Variants in BRINP3 observed in about 807,000 individuals in gnomAD.
The protein encoded by BRINP3 is BMP/retinoic acid inducible neural specific 3.
A neutral mutation model predicts 71.0 loss-of-function variants in BRINP3; 19 were observed. The observed-to-expected ratio is 0.27, with a 90% CI of 0.19 to 0.39. BRINP3 has a LOEUF of 0.39. Among genes scored for constraint, BRINP3 ranks in the 10% least tolerant of loss-of-function variants. BRINP3 has a pLI of 1.00. For synonymous variants in BRINP3, 380 were observed against 337.7 expected, an observed-to-expected ratio of 1.13 and a Z score of -1.37; for missense variants, 959 against 940.8, an observed-to-expected ratio of 1.02 and a Z score of -0.25.
At chr1:190,299,212 TC>T (rs1456712432) in intron 2 of BRINP3, among the ~76,000 whole-genome samples, 1 of 152,102 alleles carries the variant, frequency 6.6e-6, no homozygotes, top group Non-Finnish European at 1.5e-5. Flanking sequence ...TGTGTTTTTT[TC>T]ATAGACAGCT....
chr1:190,219,113 G>A (rs976602399), intron 6 of BRINP3, among the ~76,000 whole-genome samples: 4 of 151,946 alleles, frequency 2.6e-5, no homozygotes, highest in Non-Finnish European at 4.4e-5. Context: ...AAAGAATCAC[G>A]GAGCAAGCAT....
chr1:190,464,986 T>G (rs1571385211), intron 1 of BRINP3, among the ~76,000 whole-genome samples: 2 of 151,984 alleles, frequency 1.3e-5, no homozygotes, highest in African/African-American at 4.8e-5. Context: ...AATACAGTCT[T>G]GTCCTACCAA....
At chr1:190,316,098 C>G (rs1441546116) in intron 2 of BRINP3, among the ~76,000 whole-genome samples, 3 of 151,290 alleles carry the variant, frequency 2.0e-5, no homozygotes, top group African/African-American at 7.3e-5. Flanking sequence ...ACGTGGGGCC[C>G]AGAATGACTG....
At chr1:190,281,258 T>C (rs1663014075) in intron 3 of BRINP3, among the ~76,000 whole-genome samples, 1 of 151,958 alleles carries the variant, frequency 6.6e-6, no homozygotes, top group Non-Finnish European at 1.5e-5. Flanking sequence ...CTTCTTATTA[T>C]TCATGTATTT....
intron 7 of BRINP3, among the ~76,000 whole-genome samples, chr1:190,146,388 A>G (rs1655888922): frequency 6.6e-6 from 1 of 152,202 alleles, no homozygotes; most frequent in Non-Finnish European, 1.5e-5. Flanking sequence ...TGTTACACTC[A>G]TAAATCAAAT....
chr1:190,339,347 T>C (rs1395988821), intron 2 of BRINP3, among the ~76,000 whole-genome samples: 1 of 151,972 alleles, frequency 6.6e-6, no homozygotes, highest in Non-Finnish European at 1.5e-5. Flanking sequence ...TTTCCCTTTG[T>C]GGCTGGTAGA....
intron 7 of BRINP3, among the ~76,000 whole-genome samples, chr1:190,151,225 A>G (rs1268167442): frequency 1.3e-5 from 2 of 152,194 alleles, no homozygotes; most frequent in Admixed American, 6.6e-5. Context: ...TTATTCAAAA[A>G]CAAGTAAAAT....
chr1:190,355,407 A>T (rs1668665143), intron 2 of BRINP3, among the ~76,000 whole-genome samples: 1 of 151,920 alleles, frequency 6.6e-6, no homozygotes, highest in Non-Finnish European at 1.5e-5. Flanking sequence ...TATATAGATT[A>T]TATTTACAAG....
intron 3 of BRINP3, among the ~76,000 whole-genome samples, chr1:190,273,274 C>CA (rs1349984408): frequency 1.3e-5 from 2 of 151,396 alleles, no homozygotes; most frequent in Non-Finnish European, 3.0e-5. Flanking sequence ...TGATTGCGTT[C>CA]AAAAGTCATT....
rs1658478849 is a variant in BRINP3, at chr1:190,235,981, A to G, written c.619-1504T>C. 2.0e-5 allele frequency among the ~76,000 whole-genome samples: 3 copies of G among 151,956 alleles called. No individual in the cohort carries two copies. The South Asian group carries it at 6.2e-4, about 31-fold the overall frequency. ...TTGTTCACTCACATATCCACAGAAC[A>G]TATTAAGTTCTTGCATCAGCTGAGG... On this transcript the variant is annotated intron_variant, in intron 4 of 7. Coordinates refer to ENST00000367462, the MANE Select transcript of BRINP3 (RefSeq NM_199051.3).
chr1:190,234,604 A>C, intron 4 of BRINP3, 127 bp from the exon 5 acceptor site: 135 of 603,696 alleles, frequency 2.2e-4, no homozygotes, highest in Non-Finnish European at 2.6e-4. Context: ...CCAGGATCTC[A>C]TACACACCAG....
chr1:190,420,627 C>T (rs984567250), intron 2 of BRINP3, among the ~76,000 whole-genome samples: 2 of 151,828 alleles, frequency 1.3e-5, no homozygotes, highest in African/African-American at 2.4e-5. Context: ...GAAAACTTTC[C>T]GTTTGGAGAA....
intron 3 of BRINP3, among the ~76,000 whole-genome samples, chr1:190,279,574 G>A (rs555232828): frequency 2.0e-5 from 3 of 151,832 alleles, no homozygotes; most frequent in Admixed American, 6.6e-5. Context: ...TGTGGAACAA[G>A]GTAATGGAGA....
intron 6 of BRINP3, among the ~76,000 whole-genome samples, chr1:190,219,386 A>G (rs1656677395): frequency 6.6e-6 from 1 of 152,130 alleles, no homozygotes; most frequent in Admixed American, 6.6e-5. Context: ...GAAATTTATT[A>G]GAGAAATTTA....
At chr1:190,448,287 T>A (rs1240590093) in intron 2 of BRINP3, among the ~76,000 whole-genome samples, 1 of 151,708 alleles carries the variant, frequency 6.6e-6, no homozygotes, top group Admixed American at 6.6e-5. Flanking sequence ...ATATTTAATT[T>A]ATTATGTTAA....
At chr1:190,107,621 G>A (rs1265044664) in intron 7 of BRINP3, among the ~76,000 whole-genome samples, 1 of 151,848 alleles carries the variant, frequency 6.6e-6, no homozygotes, top group African/African-American at 2.4e-5. Context: ...TACCATTCCT[G>A]ATAGTATCTG....
At chr1:190,378,411 T>C (rs573708240) in intron 2 of BRINP3, among the ~76,000 whole-genome samples, 96 of 152,308 alleles carry the variant, frequency 6.3e-4, no homozygotes, top group Admixed American at 3.7e-3. Context: ...TAGGCAATTC[T>C]CCATGGGGTT....
intron 5 of BRINP3, among the ~76,000 whole-genome samples, chr1:190,228,120 AC>A (rs1281315961): frequency 6.6e-6 from 1 of 151,952 alleles, no homozygotes; most frequent in Non-Finnish European, 1.5e-5. Flanking sequence ...GTGTTAAAAT[AC>A]TTAGAGGCAT....
chr1:190,304,992 G>A (rs1571693888), intron 2 of BRINP3, among the ~76,000 whole-genome samples: 1 of 151,780 alleles, frequency 6.6e-6, no homozygotes, highest in South Asian at 2.1e-4. Context: ...CATACAAATG[G>A]CCAATAGGCA....
Sources: gnomAD v4.1 joint callset for allele counts (sites outside exome capture counted in the v4.1 genomes callset) on GRCh38, gnomAD v4.1.1 for gene constraint, MANE v1.5 for transcripts, NCBI Gene and HGNC (gene_info 2026-07-23, HGNC 2026-07-21) for gene names.